CPPED1: variants seen among roughly 807,000 people sequenced by gnomAD.
CPPED1 encodes calcineurin like phosphoesterase domain containing 1.
CPPED1 carries 28 observed loss-of-function variants against 28.0 expected under a neutral mutation model. The observed-to-expected ratio is 1.00, with a 90% confidence interval of 0.74 to 1.37. The LOEUF is 1.37. Ranked by LOEUF, CPPED1 falls within the 40% of genes most tolerant of loss-of-function variation. CPPED1 has a pLI of 0.00. For synonymous variants in CPPED1, 198 were observed against 180.2 expected (o/e 1.10, Z -0.79); for missense variants, 504 against 416.5 (o/e 1.21, Z -1.83).
chr16:12,802,271 C>G (rs1176389446), intron 1 of CPPED1, among the ~76,000 whole-genome samples: 1 of 152,146 alleles, frequency 6.6e-6, no homozygotes, highest in South Asian at 2.1e-4. Context: ...AGAGCAAAAT[C>G]TTCATGTTGG....
At chr16:12,794,505 C>T (rs535881278) in intron 1 of CPPED1, among the ~76,000 whole-genome samples, 1 of 131,540 alleles carries the variant, frequency 7.6e-6, no homozygotes, top group African/African-American at 2.8e-5. Context: ...CCTCAAGAGT[C>T]TCCAAATGAC....
intron 2 of CPPED1, among the ~76,000 whole-genome samples, chr16:12,708,255 G>A (rs954789421): frequency 3.3e-5 from 5 of 152,152 alleles, no homozygotes; most frequent in African/African-American, 1.2e-4. Context: ...CAGGTGCTGA[G>A]GTGGAGTGAG....
rs1031997114 is a variant in CPPED1 at position 12,660,302 on chromosome 16, G to C, written c.*4584C>G. 6.6e-6 allele frequency: 1 copy of C among 152,094 alleles called. No individual in the cohort carries two copies. Among genetic ancestry groups the C allele is most frequent in the Non-Finnish European group, 1.5e-5 (1 of 68,034 alleles). The allele number at this position is 152,094 out of a possible 1,614,324, so 9.4% of individuals were successfully genotyped here. On this transcript the variant is annotated 3_prime_UTR_variant, in exon 4 of 4. Transcript: ENST00000381774. ...AACATAATGGTCAGAATAATGAAGG[G>C]TAACATGATTATTCACATTTAATCG...
intron 2 of CPPED1, among the ~76,000 whole-genome samples, chr16:12,724,275 C>A (rs868017635): frequency 6.6e-6 from 1 of 152,172 alleles, no homozygotes; most frequent in African/African-American, 2.4e-5. Flanking sequence ...CCAGGTCCTA[C>A]CCCAGTGAGC....
chr16:12,757,586 A>T (rs4395061), intron 2 of CPPED1: 73,529 of 143,418 alleles, frequency 0.51, 19,133 homozygotes, highest in African/African-American at 0.59. Flanking sequence ...ACTGCTAAGT[A>T]ATGTAAGGGG....
intron 2 of CPPED1, among the ~76,000 whole-genome samples, chr16:12,735,645 T>C (rs1169876962): frequency 1.3e-5 from 2 of 152,198 alleles, no homozygotes; most frequent in East Asian, 3.8e-4. Context: ...TATGTATAAC[T>C]ATACCACCTG....
chr16:12,768,410 T>C (rs529465111), intron 2 of CPPED1, among the ~76,000 whole-genome samples: 2 of 152,352 alleles, frequency 1.3e-5, no homozygotes, highest in South Asian at 4.1e-4. Context: ...GTCCCTATTA[T>C]TGAGCTCTTG....
At chr16:12,755,299 T>TTTTTTTTTA (rs2080358323) in intron 2 of CPPED1, among the ~76,000 whole-genome samples, 1 of 150,894 alleles carries the variant, frequency 6.6e-6, no homozygotes, top group African/African-American at 2.4e-5. Context: ...TTTTTTTTTT[T>TTTTTTTTTA]GAGACAAGGT....
In CPPED1 at chr16:12,709,386, A is replaced by G. The variant is rs931195269; in HGVS notation, c.290-4337T>C. The stretch of plus-strand genomic sequence containing the variant: ...TGGGTGCCAAGAGTACAGGGACCCC[A>G]ATGTCAGCACACACCTGACCCCCAC... On this transcript the variant is annotated intron_variant, in intron 2 of 3. Coordinates refer to ENST00000381774, the MANE Select transcript of CPPED1 (RefSeq NM_018340.3). This position sits in a 1 kb window ranked among gnomAD's most constrained non-coding sequence, Gnocchi z 4.4. Among the ~76,000 whole-genome samples the G allele has an allele frequency of 6.6e-6, 1 of 152,172 alleles. No individual in the cohort carries two copies. Among genetic ancestry groups the G allele is most frequent in the African/African-American group, 2.4e-5 (1 of 41,450 alleles).
intron 3 of CPPED1, among the ~76,000 whole-genome samples, chr16:12,702,658 G>C (rs1335598304): frequency 1.3e-5 from 2 of 152,100 alleles, no homozygotes; most frequent in Admixed American, 1.3e-4. Flanking sequence ...TGGTCAACAA[G>C]AACAAGAACA....
At chr16:12,793,614 A>G (rs906514356) in intron 1 of CPPED1, among the ~76,000 whole-genome samples, 20 of 152,322 alleles carry the variant, frequency 1.3e-4, no homozygotes, top group East Asian at 1.2e-3. Flanking sequence ...ATGACTTAAA[A>G]CATGTAAAGC....
intron 2 of CPPED1, among the ~76,000 whole-genome samples, chr16:12,735,783 A>G (rs1465018199): frequency 6.6e-6 from 1 of 152,262 alleles, no homozygotes; most frequent in Non-Finnish European, 1.5e-5. Context: ...GGAAGAGAAC[A>G]TGACTTGTTT....
At chr16:12,782,928 C>A (rs896968324) in intron 1 of CPPED1, among the ~76,000 whole-genome samples, 1 of 152,058 alleles carries the variant, frequency 6.6e-6, no homozygotes, top group African/African-American at 2.4e-5. Context: ...ATGGCATTTC[C>A]TTTGGAAGTC....
intron 2 of CPPED1, among the ~76,000 whole-genome samples, chr16:12,736,156 C>A (rs1403431901): frequency 6.6e-6 from 1 of 152,026 alleles, no homozygotes; most frequent in Non-Finnish European, 1.5e-5. Context: ...AGAGGAGCCC[C>A]AAACTCAGAA....
chr16:12,791,887 A>G (rs2080598773), intron 1 of CPPED1, among the ~76,000 whole-genome samples: 1 of 152,128 alleles, frequency 6.6e-6, no homozygotes, highest in African/African-American at 2.4e-5. Flanking sequence ...GAAGACATCA[A>G]TGGATCCCCA....
At chr16:12,708,354 A>G (rs905397032) in intron 2 of CPPED1, among the ~76,000 whole-genome samples, 5 of 152,210 alleles carry the variant, frequency 3.3e-5, no homozygotes, top group African/African-American at 1.2e-4. Context: ...TTCATCGTGT[A>G]TGAAATGGGG....
chr16:12,679,625 T>C (rs971819589), intron 3 of CPPED1, among the ~76,000 whole-genome samples: 4 of 152,220 alleles, frequency 2.6e-5, no homozygotes, highest in Non-Finnish European at 4.4e-5. Flanking sequence ...TGCTTTTATA[T>C]ATTCGACAAT....
chr16:12,791,612 G>A (rs1460320649), intron 1 of CPPED1, among the ~76,000 whole-genome samples: 2 of 152,136 alleles, frequency 1.3e-5, no homozygotes, highest in Non-Finnish European at 2.9e-5. Context: ...CTTGGGCCAG[G>A]TATTCATGGT....
chr16:12,712,842 A>C (rs2080087128), intron 2 of CPPED1, among the ~76,000 whole-genome samples: 1 of 152,224 alleles, frequency 6.6e-6, no homozygotes, highest in Non-Finnish European at 1.5e-5. Flanking sequence ...AAGTGGAAGG[A>C]CAGAAAACAT....
Sources: allele counts gnomAD v4.1 joint callset (sites outside exome capture counted in the v4.1 genomes callset), GRCh38; gene constraint gnomAD v4.1.1; non-coding constraint Gnocchi (gnomAD v3.1); transcripts MANE v1.5; gene names NCBI Gene and HGNC (gene_info 2026-07-23, HGNC 2026-07-21).